Variants in OPCML observed in about 807,000 individuals in gnomAD.
OPCML encodes the protein opioid-binding protein/cell adhesion molecule.
In OPCML, 13 loss-of-function variants were observed where a neutral mutation model predicts 37.8. The observed-to-expected ratio is 0.34, with a 90% CI of 0.22 to 0.55. The LOEUF is 0.55. OPCML is among the 20% of genes least tolerant of loss of function. The pLI is 0.91. For synonymous variants in OPCML, 176 were observed against 168.8 expected (o/e 1.04, Z -0.33); for missense variants, 341 against 435.6 (o/e 0.78, Z 1.93).
Position 132,418,355 on chromosome 11 carries a change from T to A in OPCML, c.*1838A>T, listed in dbSNP as rs1162662611. 2.6e-5 allele frequency: 4 copies of A among 152,280 alleles called. No individual in the cohort carries two copies. The highest frequency in any genetic ancestry group is 2.0e-4 in the Admixed American group (3 of 15,274). 9.4% of individuals were successfully genotyped at this position (152,280 alleles called of 1,614,324 possible). On this transcript the variant is annotated 3_prime_UTR_variant, in exon 8 of 8. Coordinates refer to ENST00000524381, the MANE Select transcript of OPCML (RefSeq NM_001012393.5). ...TATTTTGAATCCCAGGCAACTTTGCTGGATGAGTCCTTCTCGTCCCAGGAG... is the reference window on the plus strand; with the variant it reads ...TATTTTGAATCCCAGGCAACTTTGCAGGATGAGTCCTTCTCGTCCCAGGAG...
intron 1 of OPCML, among the ~76,000 whole-genome samples, chr11:133,394,655 G>A (rs1451748606): frequency 5.1e-5 from 7 of 137,114 alleles, no homozygotes; most frequent in Non-Finnish European, 7.5e-5. Flanking sequence ...GAGAACATGA[G>A]AAGTCTGTCT....
intron 1 of OPCML, among the ~76,000 whole-genome samples, chr11:133,118,789 GC>G (rs1335525511): frequency 6.6e-6 from 1 of 152,166 alleles, no homozygotes; most frequent in Non-Finnish European, 1.5e-5. Flanking sequence ...TCCTGGCCAT[GC>G]CTCCCTCTCC....
intron 3 of OPCML, among the ~76,000 whole-genome samples, chr11:132,541,333 C>A (rs1280974152): frequency 6.6e-6 from 1 of 152,164 alleles, no homozygotes; most frequent in Admixed American, 6.5e-5. Flanking sequence ...CACAGTGTGA[C>A]CTTGAGCAAG....
At chr11:132,629,182 G>C (rs1007257621) in intron 3 of OPCML, among the ~76,000 whole-genome samples, 2 of 152,048 alleles carry the variant, frequency 1.3e-5, no homozygotes, top group Non-Finnish European at 2.9e-5. Flanking sequence ...GCTTGGTCCT[G>C]CGTCATACGC....
At chr11:133,416,092 T>C (rs34673382) in intron 1 of OPCML, among the ~76,000 whole-genome samples, 12,218 of 152,180 alleles carry the variant, frequency 0.08, 1,423 homozygotes, top group African/African-American at 0.25. Flanking sequence ...ATAGTAAGTG[T>C]CTGCTGTTTT....
At chr11:132,727,718 C>G (rs572119915) in intron 2 of OPCML, among the ~76,000 whole-genome samples, 1 of 152,230 alleles carries the variant, frequency 6.6e-6, no homozygotes, top group African/African-American at 2.4e-5. Context: ...CACTTCTGCT[C>G]TGGAATCTCC....
chr11:132,775,789 G>A lies in OPCML; in HGVS notation c.147-118470C>T, dbSNP rs188431182. On this transcript the variant is annotated intron_variant, in intron 2 of 7. Transcript: ENST00000524381. ...TGCCAGCCCAAGGTTCCATCGACAG[G>A]TGTCATATGGGACACTAGCTATACT... 5.3e-5 allele frequency among the ~76,000 whole-genome samples: 8 copies of A among 152,306 alleles called. No homozygotes were observed. The East Asian group carries it at 1.5e-3, about 29-fold the overall frequency.
At chr11:132,794,547 G>A (rs1407278913) in intron 2 of OPCML, among the ~76,000 whole-genome samples, 1 of 152,120 alleles carries the variant, frequency 6.6e-6, no homozygotes, top group African/African-American at 2.4e-5. Flanking sequence ...GAGCTTTCCT[G>A]CTTTCCTGCT....
rs1027333306 is a variant in OPCML, at chr11:133,211,129, C to T, written c.62-268119G>A. ...ACTGCAACTCAGCTTTCTAATCATTCGTGATTGATGAGCCTGCCAGAAGGA... is the reference window on the plus strand; with the variant it reads ...ACTGCAACTCAGCTTTCTAATCATTTGTGATTGATGAGCCTGCCAGAAGGA... On this transcript the variant is annotated intron_variant, in intron 1 of 7. Transcript: ENST00000524381. The surrounding 1 kb of genome is among the most constrained non-coding windows in gnomAD (Gnocchi z 4.1). Among the ~76,000 whole-genome samples the T allele has an allele frequency of 1.3e-5, 2 of 152,150 alleles. No individual in the cohort carries two copies. Among genetic ancestry groups the T allele is most frequent in the East Asian group, 1.9e-4 (1 of 5,184 alleles).
intron 6 of OPCML, 117 bp downstream of exon 6, chr11:132,436,542 A>ATAGTATATTTCTGTTTTGCCT: frequency 6.7e-7 from 1 of 1,497,154 alleles, no homozygotes; most frequent in East Asian, 2.3e-5. Context: ...AAAAGAGGGC[A>ATAGTATATTTCTGTTTTGCCT]TAGTATATTT....
At chr11:132,996,748 G>A (rs1343187025) in intron 1 of OPCML, among the ~76,000 whole-genome samples, 1 of 151,998 alleles carries the variant, frequency 6.6e-6, no homozygotes, top group Non-Finnish European at 1.5e-5. Flanking sequence ...GGCACAAACA[G>A]CTCCATGGAG....
chr11:133,165,303 G>T lies in OPCML; in HGVS notation c.62-222293C>A, dbSNP rs1226350410. Reference sequence around the variant, plus strand: ...GCTGTGCAGAAAGGCCTTCTGCAGGGTCACGCTTGCTCAGACCCAGGGACT... The same window carrying T: ...GCTGTGCAGAAAGGCCTTCTGCAGGTTCACGCTTGCTCAGACCCAGGGACT... On this transcript the variant is annotated intron_variant, in intron 1 of 7. Coordinates refer to ENST00000524381, the MANE Select transcript of OPCML (RefSeq NM_001012393.5). Among the ~76,000 whole-genome samples the T allele has an allele frequency of 2.0e-5, 3 of 152,130 alleles. No homozygotes were observed. In the East Asian group the frequency reaches 5.8e-4, roughly 30 times the overall value.
intron 1 of OPCML, among the ~76,000 whole-genome samples, chr11:133,203,188 C>T (rs191681907): frequency 5.9e-5 from 9 of 152,208 alleles, no homozygotes; most frequent in East Asian, 1.9e-4. Context: ...CCAAATCTCA[C>T]GCTTTCAGTT....
At position 133,328,382 on chromosome 11, in the gene OPCML, T is replaced by C. The variant is rs151036389; in HGVS notation, c.61+203882A>G. ...CATGTTGGCCAGCGTGGTCTCGAAC[T>C]CCTGACCTCAGGTGATCCACCTGCC... On this transcript the variant is annotated intron_variant, in intron 1 of 7. Coordinates refer to ENST00000524381, the MANE Select transcript of OPCML (RefSeq NM_001012393.5). Among the ~76,000 whole-genome samples the C allele has an allele frequency of 6.0e-3, 907 of 152,268 alleles. 2 individuals are homozygous for C. Among genetic ancestry groups the C allele is most frequent in the Middle Eastern group, 0.014 (4 of 294 alleles).
chr11:133,415,598 A>G (rs1324202756), intron 1 of OPCML, among the ~76,000 whole-genome samples: 1 of 152,114 alleles, frequency 6.6e-6, no homozygotes, highest in Non-Finnish European at 1.5e-5. Context: ...TCAGCAGAAC[A>G]ATGGCCTCTC....
chr11:132,836,751 G>A (rs533894684), intron 2 of OPCML, among the ~76,000 whole-genome samples: 3 of 152,210 alleles, frequency 2.0e-5, no homozygotes, highest in Admixed American at 6.5e-5. Context: ...AACAAGACAC[G>A]AAATTTATTT....
chr11:132,993,279 G>A (rs1272319838), intron 1 of OPCML, among the ~76,000 whole-genome samples: 1 of 152,172 alleles, frequency 6.6e-6, no homozygotes, highest in African/African-American at 2.4e-5. Flanking sequence ...TGAATCCTGT[G>A]TTACTCACAC....
chr11:132,867,154 C>T (rs1279440770), intron 2 of OPCML, among the ~76,000 whole-genome samples: 1 of 152,198 alleles, frequency 6.6e-6, no homozygotes, highest in Non-Finnish European at 1.5e-5. Flanking sequence ...CTTCCAGCCA[C>T]ATAATTCAGT....
chr11:132,544,453 A>G lies in OPCML; in HGVS notation c.380-15267T>C, dbSNP rs2096364321. 1.3e-5 allele frequency among the ~76,000 whole-genome samples: 2 copies of G among 152,208 alleles called. 1 individual carries two copies. The highest frequency in any genetic ancestry group is 1.3e-4 in the Admixed American group (2 of 15,276). On this transcript the variant is annotated intron_variant, in intron 3 of 7. Coordinates refer to ENST00000524381, the MANE Select transcript of OPCML (RefSeq NM_001012393.5). ...ATCATGGAAAATATTATTCCCAGCA[A>G]CAAGTGTTCTATAATATTTTAGACA...
Sources: allele counts gnomAD v4.1 joint callset (sites outside exome capture counted in the v4.1 genomes callset), GRCh38; gene constraint gnomAD v4.1.1; non-coding constraint Gnocchi (gnomAD v3.1); transcripts MANE v1.5; gene names NCBI Gene and HGNC (gene_info 2026-07-23, HGNC 2026-07-21).